GALNT14: variants seen among roughly 807,000 people sequenced by gnomAD.
The protein encoded by GALNT14 is polypeptide N-acetylgalactosaminyltransferase 14.
GALNT14 carries 60 observed loss-of-function variants against 77.5 expected under a neutral mutation model. The observed-to-expected ratio is 0.77, with a 90% CI of 0.63 to 0.96. The LOEUF is 0.96. GALNT14 is among the 40% of genes least tolerant of loss of function. GALNT14 has a pLI of 0.00. For synonymous variants in GALNT14, 280 were observed against 281.7 expected (o/e 0.99, Z 0.06); for missense variants, 710 against 731.0 (o/e 0.97, Z 0.33).
chr2:31,099,790 A>G (rs1270950153), intron 1 of GALNT14, among the ~76,000 whole-genome samples: 1 of 151,940 alleles, frequency 6.6e-6, no homozygotes, highest in Non-Finnish European at 1.5e-5. Context: ...TCAATAAATG[A>G]CACACTATAA....
chr2:30,967,065 C>T (rs545916267), intron 2 of GALNT14, among the ~76,000 whole-genome samples: 16 of 152,028 alleles, frequency 1.1e-4, no homozygotes, highest in Non-Finnish European at 1.6e-4. Flanking sequence ...CTTGCTATTT[C>T]GGGGGATGTT....
chr2:30,967,496 CA>C (rs1668080872), intron 2 of GALNT14, among the ~76,000 whole-genome samples: 1 of 152,174 alleles, frequency 6.6e-6, no homozygotes, highest in Non-Finnish European at 1.5e-5. Flanking sequence ...GATCAGGACT[CA>C]AGCATGGGCT....
chr2:31,033,013 G>A (rs1672506663), intron 1 of GALNT14, among the ~76,000 whole-genome samples: 1 of 152,134 alleles, frequency 6.6e-6, no homozygotes, highest in South Asian at 2.1e-4. Context: ...GAACATCCTA[G>A]GGTCCTGAAA....
intron 12 of GALNT14, among the ~76,000 whole-genome samples, 158 bp downstream of exon 12, chr2:30,924,582 C>T (rs189769775): frequency 2.0e-4 from 30 of 152,272 alleles, no homozygotes; most frequent in Admixed American, 2.6e-4. Context: ...AAGGTCCCTC[C>T]GGGTTTTAGG....
chr2:31,052,521 G>T (rs1223620114), intron 1 of GALNT14, among the ~76,000 whole-genome samples: 1 of 152,122 alleles, frequency 6.6e-6, no homozygotes, highest in Non-Finnish European at 1.5e-5. Context: ...GGCCTCCTGC[G>T]GGACACCAGA....
chr2:31,126,825 T>G (rs1678729408), intron 1 of GALNT14: 1 of 152,198 alleles, frequency 6.6e-6, no homozygotes, highest in Non-Finnish European at 1.5e-5. Flanking sequence ...AGCACATACT[T>G]TGGTTAGCTG....
chr2:30,985,801 T>C (rs1669264608), intron 2 of GALNT14, among the ~76,000 whole-genome samples: 1 of 152,144 alleles, frequency 6.6e-6, no homozygotes, highest in South Asian at 2.1e-4. Flanking sequence ...AAGCTAAGTA[T>C]CTGTGATGGG....
At chr2:30,917,217 G>A (rs954792038) in intron 13 of GALNT14, among the ~76,000 whole-genome samples, 35 of 151,738 alleles carry the variant, frequency 2.3e-4, no homozygotes, top group African/African-American at 7.5e-4. Context: ...AGCGGCTCTC[G>A]ACTCTCCCCA....
At chr2:30,993,234 T>C (rs1027148321) in intron 1 of GALNT14, among the ~76,000 whole-genome samples, 1 of 152,210 alleles carries the variant, frequency 6.6e-6, no homozygotes. Flanking sequence ...CTGGGTGCTG[T>C]TCTAGGATCT....
intron 9 of GALNT14, among the ~76,000 whole-genome samples, chr2:30,936,507 T>A (rs1430512229): frequency 6.6e-6 from 1 of 152,226 alleles, no homozygotes. Flanking sequence ...TACAATAGCA[T>A]TGTCCATTCT....
chr2:30,953,247 T>C (rs543935405), intron 6 of GALNT14, among the ~76,000 whole-genome samples: 2 of 152,080 alleles, frequency 1.3e-5, no homozygotes, highest in South Asian at 2.1e-4. Flanking sequence ...CCTCTACTTC[T>C]ATAACCAGGA....
intron 13 of GALNT14, among the ~76,000 whole-genome samples, chr2:30,922,247 A>G (rs1450359084): frequency 1.3e-5 from 2 of 152,072 alleles, no homozygotes; most frequent in African/African-American, 4.8e-5. Flanking sequence ...TAGGAGATCT[A>G]CACCTGCAGA....
chr2:30,999,208 T>C (rs886764670), intron 1 of GALNT14, among the ~76,000 whole-genome samples: 8 of 152,206 alleles, frequency 5.3e-5, no homozygotes, highest in Non-Finnish European at 1.2e-4. Flanking sequence ...CACTGCCCCA[T>C]GGACATCCCT....
At chr2:31,135,206 C>A (rs1573397774) in intron 1 of GALNT14, among the ~76,000 whole-genome samples, 2 of 152,138 alleles carry the variant, frequency 1.3e-5, no homozygotes, top group East Asian at 3.9e-4. Flanking sequence ...TCACATGCAA[C>A]CCTGGTAAAA....
chr2:30,948,103 C>T (rs1666812605), intron 6 of GALNT14, among the ~76,000 whole-genome samples: 1 of 152,188 alleles, frequency 6.6e-6, no homozygotes, highest in South Asian at 2.1e-4. Context: ...CACACAAATA[C>T]CTGGACGTGC....
chr2:30,887,725 ATC>A, the GALNT14 span, among the ~76,000 whole-genome samples: 3 of 152,168 alleles, frequency 2.0e-5, no homozygotes, highest in East Asian at 1.9e-4. Flanking sequence ...AGTCCAATTT[ATC>A]TCTTTTTTCT....
intron 1 of GALNT14, among the ~76,000 whole-genome samples, chr2:31,038,262 T>C (rs891386065): frequency 6.6e-6 from 1 of 150,998 alleles, no homozygotes; most frequent in African/African-American, 2.4e-5. Context: ...CCCAGCTAAT[T>C]TTTGTATTTT....
chr2:30,924,097 T>C, intron 13 of GALNT14, 22 bp downstream of exon 13: 4 of 1,614,152 alleles, frequency 2.5e-6, no homozygotes, highest in Non-Finnish European at 3.4e-6. Flanking sequence ...CATGGTCCTG[T>C]ATGCCCAGCC....
Position 30,966,754 on chromosome 2 carries a change from G to A in GALNT14, c.300-452C>T, listed in dbSNP as rs75165688. On this transcript the variant is annotated intron_variant, in intron 2 of 14. Transcript: ENST00000349752. Reference sequence around the variant, plus strand: ...ACTGTGTTCTGGGCTAACAGCTTCAGGCTACCATGTTGTGCTGACGCCCAG... The same window carrying A: ...ACTGTGTTCTGGGCTAACAGCTTCAAGCTACCATGTTGTGCTGACGCCCAG... Among the ~76,000 whole-genome samples, 122 of 152,268 alleles carry A rather than the reference G, an allele frequency of 8.0e-4. 1 individual carries two copies. Among genetic ancestry groups the A allele is most frequent in the African/African-American group, 2.9e-3 (119 of 41,558 alleles).
Sources: gnomAD v4.1 joint callset for allele counts (sites outside exome capture counted in the v4.1 genomes callset) on GRCh38, gnomAD v4.1.1 for gene constraint, MANE v1.5 for transcripts, NCBI Gene and HGNC (gene_info 2026-07-23, HGNC 2026-07-21) for gene names.